RHCE: variants seen among roughly 807,000 people sequenced by gnomAD.
RHCE encodes the protein Rh blood group CcEe antigens.
In RHCE, 22 loss-of-function variants were observed where a neutral mutation model predicts 43.8. The ratio of observed to expected loss-of-function variants is 0.50; its 90% confidence interval spans 0.36 to 0.72. RHCE has a LOEUF of 0.72. Among genes scored for constraint, RHCE ranks in the 30% least tolerant of loss-of-function variants. The pLI, the probability that RHCE is intolerant of heterozygous loss-of-function variation, is 0.00. For missense variants in RHCE, 385 were observed against 525.4 expected (o/e 0.73, Z 2.61); for synonymous variants, 156 against 210.7 (o/e 0.74, Z 2.25).
chr1:25,400,893 A>C (rs1052758293), intron 3 of RHCE, among the ~76,000 whole-genome samples: 1 of 152,110 alleles, frequency 6.6e-6, no homozygotes, highest in Non-Finnish European at 1.5e-5. Flanking sequence ...CTATCAGCAA[A>C]TCCTGTCAAT....
In RHCE at chr1:25,389,249, C is replaced by T. The variant is rs1193716038; in HGVS notation, c.802-136G>A. The T allele has an allele frequency of 7.2e-5, 106 of 1,480,078 alleles. No individual in the cohort carries two copies. In the East Asian group the frequency reaches 1.5e-3, roughly 21 times the overall value. The allele number at this position is 1,480,078 out of a possible 1,614,324, so 91.7% of individuals were successfully genotyped here. A position where few individuals can be genotyped will look rare whatever the true frequency, so the allele number is the denominator to read the frequency against. ...TTTGCTGATCCTGAAACCACCTCTCCCCTGTGTTGGGGCTACGTGTCCTTC... is the reference window on the plus strand; with the variant it reads ...TTTGCTGATCCTGAAACCACCTCTCTCCTGTGTTGGGGCTACGTGTCCTTC... On this transcript the variant is annotated intron_variant, in intron 5 of 9. Transcript: ENST00000294413.
At chr1:25,416,807 T>C (rs1201901562) in intron 1 of RHCE, among the ~76,000 whole-genome samples, 5 of 108,924 alleles carry the variant, frequency 4.6e-5, no homozygotes, top group African/African-American at 2.2e-4. Context: ...TTTTTTTTTT[T>C]TTTAGAGATG....
Position 25,385,806 on chromosome 1 carries a change from G to A in RHCE, c.978C>T (p.Ser326=), listed in dbSNP as rs758122000. The change falls in exon 7 of 10, where the codon TCC becomes TCT. Residue 326 remains serine (S), a synonymous_variant. Coordinates refer to ENST00000294413, the MANE Select transcript of RHCE (RefSeq NM_020485.8). ...CNRVLGIHHI[S]VMHSIFSLLG... Reference sequence around the variant, plus strand: ...GCAAGCTGAAGATGGAGTGCATGACGGAGATGTGGTGAATCCCCAGCACTC... The same window carrying A: ...GCAAGCTGAAGATGGAGTGCATGACAGAGATGTGGTGAATCCCCAGCACTC... 5.0e-6 allele frequency: 8 copies of A among 1,614,014 alleles called. No homozygotes were observed. Among genetic ancestry groups the A allele is most frequent in the South Asian group, 3.3e-5 (3 of 91,080 alleles).
intron 6 of RHCE, 21 bp downstream of exon 6, chr1:25,388,955 A>G (rs977032981): frequency 1.3e-5 from 21 of 1,614,216 alleles, no homozygotes; most frequent in African/African-American, 2.7e-5. Flanking sequence ...AGCAGAGAGC[A>G]TTAGTTGTCT....
chr1:25,421,176 A>G (rs591570), upstream of RHCE, among the ~76,000 whole-genome samples: 105 of 150,080 alleles, frequency 7.0e-4, no homozygotes, highest in African/African-American at 1.9e-3. Context: ...CCTATTTTAT[A>G]AATAAGGAAA....
At position 25,420,639 on chromosome 1, in the gene RHCE, C is replaced by T; in HGVS notation, c.148G>A (p.Val50Ile). 6.2e-7 allele frequency: 1 copy of T among 1,613,926 alleles called. No homozygotes were observed. The highest frequency in any genetic ancestry group is 8.5e-7 in the Non-Finnish European group (1 of 1,179,842). The change falls in exon 1 of 10, where the codon GTC (valine) becomes ATC (isoleucine). Residue 50 changes from valine to isoleucine, a missense_variant and splice_region_variant. Physicochemically the swap from Val to Ile is conservative, Grantham distance 29. This residue lies in a region of RHCE where 110 missense variants were observed against 192.1 expected (regional missense o/e 0.57). Transcript: ENST00000294413. ...DQKGLVASYQ[V>I]GQDLTVMAAL... ...GACCACTGTTCCAATGAACTCTCACCTTGATAGGATGCCACGAGCCCCTTT... is the reference window on the plus strand; with the variant it reads ...GACCACTGTTCCAATGAACTCTCACTTTGATAGGATGCCACGAGCCCCTTT...
rs888887624 is a variant in RHCE, at chr1:25,409,065, G to T, written c.149-196C>A. 5.7e-5 allele frequency among the ~76,000 whole-genome samples: 7 copies of T among 123,446 alleles called. 2 individuals are homozygous for T. The highest frequency in any genetic ancestry group is 1.8e-4 in the African/African-American group (7 of 39,738). The allele number at this position is 123,446 out of a possible 152,430, so 81.0% of individuals were successfully genotyped here. ...TGGGGATAACATAACATGCCGTGTG[G>T]GGATAAGGTAAGGATTAGAGGAGCT... On this transcript the variant is annotated intron_variant, in intron 1 of 9. Transcript: ENST00000294413.
Position 25,392,562 on chromosome 1 carries a change from CTTTTTTTTTTTTT to C in RHCE, c.487-434_487-422del, listed in dbSNP as rs1211993147. Reference sequence around the variant, plus strand: ...AGGCATGAGCCACTGTGCCCGGCCTCTTTTTTTTTTTTTTTTTTTTTTTTTTGAGACAGAGTCT... The same window carrying C: ...AGGCATGAGCCACTGTGCCCGGCCTCTTTTTTTTTTTTTGAGACAGAGTCT... On this transcript the variant is annotated intron_variant, in intron 3 of 9. Transcript: ENST00000294413. 1.5e-4 allele frequency among the ~76,000 whole-genome samples: 10 copies of C among 66,420 alleles called. No homozygotes were observed. In the East Asian group the frequency reaches 3.8e-3, roughly 25 times the overall value. The allele number at this position is 66,420 out of a possible 152,430, so 43.6% of individuals were successfully genotyped here.
chr1:25,394,091 C>T (rs1343419028), intron 3 of RHCE, among the ~76,000 whole-genome samples: 2 of 152,126 alleles, frequency 1.3e-5, no homozygotes, highest in African/African-American at 2.4e-5. Context: ...TGGGTTCAAG[C>T]GATTCTCCTG....
At chr1:25,413,670 C>T (rs1287339374) in intron 1 of RHCE, among the ~76,000 whole-genome samples, 6 of 151,084 alleles carry the variant, frequency 4.0e-5, no homozygotes, top group Admixed American at 6.6e-5. Context: ...CACAGATAGA[C>T]AGTACCCCAC....
At chr1:25,399,590 C>G (rs915867554) in intron 3 of RHCE, among the ~76,000 whole-genome samples, 1 of 152,158 alleles carries the variant, frequency 6.6e-6, no homozygotes, top group Non-Finnish European at 1.5e-5. Flanking sequence ...GGGAAATACT[C>G]TTAATTCATG....
At chr1:25,428,713 C>A (rs770089223) in intron 2 of RHCE, among the ~76,000 whole-genome samples, 21 of 152,216 alleles carry the variant, frequency 1.4e-4, no homozygotes, top group Admixed American at 3.3e-4. Flanking sequence ...AGTGGCCAAG[C>A]TAGAATTTCA....
chr1:25,394,177 C>T (rs1307628287), intron 3 of RHCE, among the ~76,000 whole-genome samples: 3 of 152,054 alleles, frequency 2.0e-5, no homozygotes, highest in Non-Finnish European at 1.5e-5. Flanking sequence ...TTAGTAGAGA[C>T]GGGGTTTCAC....
chr1:25,409,145 T>C lies in RHCE; in HGVS notation c.149-276A>G, dbSNP rs190926370. On this transcript the variant is annotated intron_variant, in intron 1 of 9. Coordinates refer to ENST00000294413, the MANE Select transcript of RHCE (RefSeq NM_020485.8). ...TGGCCCATAATGAGTGCTCAGTAAA[T>C]GTGGCAATTATTCTATTATTAAACC... Among the ~76,000 whole-genome samples the C allele has an allele frequency of 7.0e-3, 866 of 123,204 alleles. 84 individuals are homozygous for C. The highest frequency in any genetic ancestry group is 0.02 in the African/African-American group (787 of 39,640). 80.8% of individuals were successfully genotyped at this position (123,204 alleles called of 152,430 possible). A position where few individuals can be genotyped will look rare whatever the true frequency, so the allele number is the denominator to read the frequency against.
intron 2 of RHCE, among the ~76,000 whole-genome samples, chr1:25,427,516 G>C (rs941862446): frequency 6.6e-6 from 1 of 152,246 alleles, no homozygotes; most frequent in Admixed American, 6.5e-5. Context: ...GGCCATTTCA[G>C]GACTCAGAGG....
intron 7 of RHCE, among the ~76,000 whole-genome samples, chr1:25,377,483 A>C (rs1645824617): frequency 1.3e-5 from 2 of 152,116 alleles, no homozygotes; most frequent in South Asian, 4.1e-4. Context: ...GGTGTGAGCC[A>C]CCGAGCTGGC....
intron 1 of RHCE, among the ~76,000 whole-genome samples, chr1:25,412,428 T>C (rs1647110334): frequency 6.6e-6 from 1 of 152,018 alleles, no homozygotes; most frequent in African/African-American, 2.4e-5. Flanking sequence ...GATTAGGAAG[T>C]CAGACCAGGT....
At chr1:25,385,688 G>A (rs756029194) in intron 7 of RHCE, 23 bp downstream of exon 7, 2 of 1,613,674 alleles carry the variant, frequency 1.2e-6, no homozygotes, top group Admixed American at 1.7e-5. Context: ...TTAAGGGGAT[G>A]GGGGGTAAGC....
At chr1:25,373,280 T>C (rs144772241) in intron 8 of RHCE, among the ~76,000 whole-genome samples, 10,761 of 151,624 alleles carry the variant, frequency 0.071, 1,468 homozygotes, top group African/African-American at 0.24. Context: ...CCACTTCGAA[T>C]ATACCAGTGA....
Sources: allele counts gnomAD v4.1 joint callset (sites outside exome capture counted in the v4.1 genomes callset), GRCh38; gene constraint gnomAD v4.1.1; regional missense constraint gnomAD v4.1.1; transcripts MANE v1.5; gene names NCBI Gene and HGNC (gene_info 2026-07-23, HGNC 2026-07-21).